TFB2M: variants seen among roughly 807,000 people sequenced by gnomAD.
TFB2M encodes dimethyladenosine transferase 2, mitochondrial.
In TFB2M, 44 loss-of-function variants were observed where a neutral mutation model predicts 41.3. The ratio of observed to expected loss-of-function variants is 1.07; its 90% CI spans 0.84 to 1.37. The LOEUF (loss-of-function observed/expected upper bound fraction) is 1.37. TFB2M is among the 40% of genes most tolerant of loss of function. TFB2M has a pLI of 0.00. For synonymous variants in TFB2M, 188 were observed against 176.8 expected (o/e 1.06, Z -0.50); for missense variants, 496 against 490.2 (o/e 1.01, Z -0.11).
In TFB2M at chr1:246,564,217, C is replaced by G. The variant is rs1033286092; in HGVS notation, c.402+129G>C. The G allele has an allele frequency of 4.1e-6, 3 of 734,878 alleles. No homozygotes were observed. The African/African-American group carries it at 5.3e-5, about 13-fold the overall frequency. The allele number at this position is 734,878 out of a possible 1,614,324, so 45.5% of individuals were successfully genotyped here. A position where few individuals can be genotyped will look rare whatever the true frequency, so the allele number is the denominator to read the frequency against. ...CTGTGTTCTAGTCTTTGGGAATAAA[C>G]AAGATATTTCAGAGATGGCTCCCTA... On this transcript the variant is annotated intron_variant, in intron 2 of 7. Transcript: ENST00000366514.
chr1:246,566,142 C>G lies in TFB2M; in HGVS notation c.-4G>C, dbSNP rs1659664973. 1 of 1,603,576 alleles carries G rather than the reference C, an allele frequency of 6.2e-7. No individual in the cohort carries two copies. Among genetic ancestry groups the G allele is most frequent in the African/African-American group, 1.3e-5 (1 of 74,744 alleles). ...GCCCGACCACTGGGATCCACATGTC[C>G]TTGTCTCTCAGGCCCGCTCCAAGAA... On this transcript the variant is annotated 5_prime_UTR_variant, in exon 1 of 8. Transcript: ENST00000366514.
chr1:246,544,521 C>T lies in TFB2M; in HGVS notation c.1019G>A (p.Arg340His), dbSNP rs201347016. 4.5e-5 allele frequency: 72 copies of T among 1,592,444 alleles called. No individual in the cohort carries two copies. The highest frequency in any genetic ancestry group is 5.8e-5 in the South Asian group (5 of 86,096). Residue 340 changes from arginine (R) to histidine (H), a missense_variant and splice_region_variant, in exon 7 of 8, where the codon CGT becomes CAT. By Grantham distance (29) the Arg-to-His change is conservative. Transcript: ENST00000366514. The part of the protein sequence containing the change: ...RRSATVIDHL[R>H]SLTPLDARDI... ...ACTTGCTTTTATTCTTTTTACTCAC[C>T]GTAAGTGGTCTATTACAGTGGCGCT...
intron 2 of TFB2M, among the ~76,000 whole-genome samples, chr1:246,559,689 G>C (rs183746497): frequency 7.9e-5 from 12 of 152,312 alleles, no homozygotes; most frequent in Admixed American, 3.3e-4. Context: ...CCTACTATGT[G>C]ATCTAGGTAG....
chr1:246,551,580 G>A (rs1659184430), intron 4 of TFB2M, among the ~76,000 whole-genome samples: 1 of 151,740 alleles, frequency 6.6e-6, no homozygotes, highest in African/African-American at 2.4e-5. Context: ...GCAACGGCAG[G>A]GCACGCGGGG....
At chr1:246,551,340 T>C in intron 4 of TFB2M, 38 bp from the exon 5 acceptor site, 1 of 1,364,988 alleles carries the variant, frequency 7.3e-7, no homozygotes. Flanking sequence ...GTTATACACA[T>C]CTATAATCAA....
chr1:246,562,482 G>A (rs1263549971), intron 2 of TFB2M, among the ~76,000 whole-genome samples: 1 of 152,148 alleles, frequency 6.6e-6, no homozygotes, highest in Non-Finnish European at 1.5e-5. Context: ...TCCAAAATGT[G>A]AAACTTTTTG....
chr1:246,546,204 G>C (rs956623859), intron 6 of TFB2M, among the ~76,000 whole-genome samples: 3 of 151,990 alleles, frequency 2.0e-5, no homozygotes, highest in East Asian at 3.9e-4. Context: ...CCAGCTATTT[G>C]GGAGGTTGAG....
At chr1:246,547,442 T>C (rs1325624910) in intron 6 of TFB2M, among the ~76,000 whole-genome samples, 1 of 152,242 alleles carries the variant, frequency 6.6e-6, no homozygotes, top group Non-Finnish European at 1.5e-5. Context: ...GCATTATTCC[T>C]ATTCTGTTTT....
chr1:246,558,091 C>T (rs902438761), intron 2 of TFB2M, among the ~76,000 whole-genome samples: 9 of 150,834 alleles, frequency 6.0e-5, no homozygotes, highest in African/African-American at 1.7e-4. Flanking sequence ...GGCAAAAGTA[C>T]AATATTACCA....
chr1:246,550,943 G>C (rs1223870845), intron 5 of TFB2M, among the ~76,000 whole-genome samples: 1 of 152,198 alleles, frequency 6.6e-6, no homozygotes, highest in African/African-American at 2.4e-5. Context: ...TAATCCCAGT[G>C]ATCTGGGAGG....
In TFB2M at chr1:246,566,133, C is replaced by A. The variant is rs1249614525; in HGVS notation, c.6G>T (p.Trp2Cys). 1.2e-6 allele frequency: 2 copies of A among 1,606,698 alleles called. No individual in the cohort carries two copies. Among genetic ancestry groups the A allele is most frequent in the Non-Finnish European group, 1.7e-6 (2 of 1,174,744 alleles). The change falls in exon 1 of 8, where the codon TGG (tryptophan) becomes TGT (cysteine). Residue 2 changes from tryptophan to cysteine, a missense_variant. By Grantham distance (215) the Trp-to-Cys change is radical (BLOSUM62 -2). Transcript: ENST00000366514. ...GCCGAGGAAGCCCGACCACTGGGAT[C>A]CACATGTCCTTGTCTCTCAGGCCCG... M[W>C]IPVVGLPRRL...
chr1:246,557,589 C>T (rs1349517062), intron 2 of TFB2M, 55 bp from the exon 3 acceptor site: 19 of 1,393,832 alleles, frequency 1.4e-5, no homozygotes, highest in Non-Finnish European at 1.7e-5. Flanking sequence ...GTATACTTTG[C>T]AGCAATTCAA....
At chr1:246,555,944 C>A (rs988821611) in intron 4 of TFB2M, among the ~76,000 whole-genome samples, 3 of 152,074 alleles carry the variant, frequency 2.0e-5, no homozygotes, top group African/African-American at 7.2e-5. Context: ...GCATGCACCA[C>A]CACGCCTGGC....
chr1:246,565,967 T>G lies in TFB2M; in HGVS notation c.172A>C (p.Arg58=). 6.2e-7 allele frequency: 1 copy of G among 1,614,182 alleles called. No individual in the cohort carries two copies. Among genetic ancestry groups the G allele is most frequent in the Non-Finnish European group, 8.5e-7 (1 of 1,180,016 alleles). Residue 58 remains arginine, a synonymous_variant, in exon 1 of 8, where the codon AGG becomes CGG. Transcript: ENST00000366514. ...TTAGACGCCTTCCTTGGCGGATTCC[T>G]GAAATCCGGTTCGGGCCACAGCTGC... ...SPQLWPEPDF[R]NPPRKASKAS...
chr1:246,558,445 C>A (rs1218490466), intron 2 of TFB2M, among the ~76,000 whole-genome samples: 2 of 152,092 alleles, frequency 1.3e-5, no homozygotes, highest in Non-Finnish European at 2.9e-5. Context: ...CTGCACCCGG[C>A]CCCACTTACT....
chr1:246,557,219 A>G (rs957026776), intron 3 of TFB2M, among the ~76,000 whole-genome samples, 162 bp downstream of exon 3: 5 of 152,108 alleles, frequency 3.3e-5, no homozygotes, highest in Non-Finnish European at 7.4e-5. Context: ...GGGTCAGTGA[A>G]CCAGGATCGC....
intron 5 of TFB2M, among the ~76,000 whole-genome samples, chr1:246,550,572 A>C (rs998771387): frequency 1.3e-5 from 2 of 152,236 alleles, no homozygotes; most frequent in African/African-American, 4.8e-5. Flanking sequence ...GTGAAGATCC[A>C]CATTGTAAAT....
At chr1:246,553,951 A>G (rs923145314) in intron 4 of TFB2M, among the ~76,000 whole-genome samples, 12 of 152,254 alleles carry the variant, frequency 7.9e-5, no homozygotes, top group African/African-American at 2.7e-4. Flanking sequence ...AAACTTACCA[A>G]GGTAACAGTA....
At chr1:246,561,755 C>A (rs899976781) in intron 2 of TFB2M, among the ~76,000 whole-genome samples, 4 of 152,248 alleles carry the variant, frequency 2.6e-5, no homozygotes, top group African/African-American at 9.6e-5. Context: ...AGGCATGGGC[C>A]TCGGTCCTCA....
Sources: gnomAD v4.1 joint callset for allele counts (sites outside exome capture counted in the v4.1 genomes callset) on GRCh38, gnomAD v4.1.1 for gene constraint, MANE v1.5 for transcripts, NCBI Gene and HGNC (gene_info 2026-07-23, HGNC 2026-07-21) for gene names.